The following PCDHGA3 variants were observed in gnomAD, a reference collection of about 807,000 sequenced individuals.
PCDHGA3 encodes the protein protocadherin gamma-A3.
Under a neutral mutation model 58.5 loss-of-function variants are expected in PCDHGA3, and 40 were observed. The ratio of observed to expected loss-of-function variants is 0.68; its 90% CI spans 0.53 to 0.89. The LOEUF (loss-of-function observed/expected upper bound fraction) is 0.89. PCDHGA3 is among the 40% of genes least tolerant of loss of function. The probability of loss-of-function intolerance (pLI) is 0.00; values close to 1 mark genes in which losing one functional copy is unlikely to be tolerated. For missense variants in PCDHGA3, 1,223 were observed against 1,195.9 expected (o/e 1.02, Z -0.33); for synonymous variants, 530 against 525.7 (o/e 1.01, Z -0.11).
intron 3 of PCDHGA3, among the ~76,000 whole-genome samples, chr5:141,510,639 T>TATCA (rs998925545): frequency 1.4e-4 from 22 of 152,300 alleles, no homozygotes; most frequent in African/African-American, 4.6e-4. Context: ...TGGTTACCAT[T>TATCA]ATCATCCCCA....
In PCDHGA3 at chr5:141,343,945, A is replaced by G. The variant is rs76671115; in HGVS notation, c.-89A>G. On this transcript the variant is annotated 5_prime_UTR_variant, in exon 1 of 4. Transcript: ENST00000253812. ...TGTTTGACCTGTGAATTAGGCCCGT[A>G]AAAGACTTCGTTTCTTGAGAAAATA... 1.8e-3 allele frequency: 2,263 copies of G among 1,276,612 alleles called. 34 individuals are homozygous for G. In the African/African-American group the frequency reaches 0.03, roughly 17 times the overall value. The allele number at this position is 1,276,612 out of a possible 1,614,324, so 79.1% of individuals were successfully genotyped here. A position where few individuals can be genotyped will look rare whatever the true frequency, so the allele number is the denominator to read the frequency against.
At chr5:141,402,120 T>C (rs17097267) in intron 1 of PCDHGA3, among the ~76,000 whole-genome samples, 16,890 of 152,168 alleles carry the variant, frequency 0.11, 1,101 homozygotes, top group African/African-American at 0.17. Context: ...TGTGAAAATT[T>C]CCAACTTTAA....
chr5:141,491,564 G>A lies in PCDHGA3; in HGVS notation c.2425-3243G>A, dbSNP rs2099721154. On this transcript the variant is annotated intron_variant, in intron 1 of 3. Coordinates refer to ENST00000253812, the MANE Select transcript of PCDHGA3 (RefSeq NM_018916.4). The surrounding 1 kb of genome is among the most constrained non-coding windows in gnomAD (Gnocchi z 6.9). Reference sequence around the variant, plus strand: ...ACAGACTCGCAGAGCCACTGCTACAGGACGTGCTTTTCACCGGCCTCGGAC... The same window carrying A: ...ACAGACTCGCAGAGCCACTGCTACAAGACGTGCTTTTCACCGGCCTCGGAC... The A allele has an allele frequency of 3.1e-6, 5 of 1,613,878 alleles. No individual in the cohort carries two copies. Among genetic ancestry groups the A allele is most frequent in the Non-Finnish European group, 8.5e-7 (1 of 1,180,042 alleles).
intron 1 of PCDHGA3, among the ~76,000 whole-genome samples, chr5:141,457,904 T>C (rs960822555): frequency 6.0e-5 from 9 of 150,288 alleles, no homozygotes; most frequent in African/African-American, 2.2e-4. Context: ...GTAGACAAGG[T>C]GTGAGGCCAG....
At chr5:141,401,838 T>C in intron 1 of PCDHGA3, among the ~76,000 whole-genome samples, 1 of 152,232 alleles carries the variant, frequency 6.6e-6, no homozygotes, top group East Asian at 1.9e-4. Context: ...TTTCTTATAA[T>C]ACCACTTACT....
chr5:141,357,136 G>T (rs779756612), intron 1 of PCDHGA3: 1 of 1,613,540 alleles, frequency 6.2e-7, no homozygotes, highest in Non-Finnish European at 8.5e-7. Flanking sequence ...TGTAGTGGTC[G>T]TCCAGGACCA....
Position 141,415,580 on chromosome 5 carries a change from A to C in PCDHGA3, c.2424+69123A>C, listed in dbSNP as rs773634634. The C allele has an allele frequency of 4.3e-6, 7 of 1,613,976 alleles. No individual in the cohort carries two copies. The Admixed American group carries it at 1.2e-4, about 27-fold the overall frequency. Reference sequence around the variant, plus strand: ...CCTTTGTCTTTGTTAGATGATTCGAAGTTTCCTATAGAGGATACCCCATTG... The same window carrying C: ...CCTTTGTCTTTGTTAGATGATTCGACGTTTCCTATAGAGGATACCCCATTG... On this transcript the variant is annotated intron_variant, in intron 1 of 3. Transcript: ENST00000253812.
At chr5:141,373,805 GAT>G in intron 1 of PCDHGA3, 2 of 337,732 alleles carry the variant, frequency 5.9e-6, no homozygotes, top group African/African-American at 2.1e-5. Context: ...TCCTCTGTGT[GAT>G]AGTTTCACAA....
rs545421792 is a variant in PCDHGA3 at position 141,414,806 on chromosome 5, C to T, written c.2424+68349C>T. ...GTGACAGCCAGCGACAGCGGGGATC[C>T]TCCACTCAGCAGCAACGTGTCGTTG... On this transcript the variant is annotated intron_variant, in intron 1 of 3. Coordinates refer to ENST00000253812, the MANE Select transcript of PCDHGA3 (RefSeq NM_018916.4). 2.2e-5 allele frequency: 36 copies of T among 1,614,244 alleles called. No individual in the cohort carries two copies. The South Asian group carries it at 3.1e-4, about 14-fold the overall frequency.
intron 1 of PCDHGA3, among the ~76,000 whole-genome samples, chr5:141,460,961 A>ATATG (rs1463306338): frequency 3.5e-5 from 5 of 144,556 alleles, no homozygotes; most frequent in African/African-American, 1.3e-4. Flanking sequence ...GTATATATAT[A>ATATG]TGTGTGTGTG....
chr5:141,435,737 T>C (rs944951200), intron 1 of PCDHGA3, among the ~76,000 whole-genome samples: 1 of 152,202 alleles, frequency 6.6e-6, no homozygotes, highest in Non-Finnish European at 1.5e-5. Context: ...TATTACTCTT[T>C]GAAAAGCATT....
Position 141,345,524 on chromosome 5 carries a change from G to C in PCDHGA3, c.1491G>C (p.Gln497His), listed in dbSNP as rs1181733698. ...ITYALTEDTL[Q>H]GAPLSSFVSI... ...ATGCATTGACCGAGGACACTCTCCA[G>C]GGGGCGCCCCTGTCCTCCTTCGTCT... Residue 497 changes from glutamine (Q) to histidine (H), a missense_variant, in exon 1 of 4, where the codon CAG becomes CAC. Physicochemically the swap from Gln to His is conservative, Grantham distance 24. Around this residue, in one of 3 missense-constraint regions of PCDHGA3, gnomAD observed 791 missense variants for 708.5 expected, o/e 1.12. Transcript: ENST00000253812. 6 of 1,614,082 alleles carry C rather than the reference G, an allele frequency of 3.7e-6. No individual in the cohort carries two copies. Among genetic ancestry groups the C allele is most frequent in the Non-Finnish European group, 5.1e-6 (6 of 1,179,986 alleles).
intron 1 of PCDHGA3, chr5:141,410,578 T>A (rs1432039651): frequency 6.2e-7 from 1 of 1,610,984 alleles, no homozygotes; most frequent in African/African-American, 1.3e-5. Context: ...TTCCACCTCA[T>A]GGTGGGGAGG....
Position 141,400,535 on chromosome 5 carries a change from T to C in PCDHGA3, c.2424+54078T>C, listed in dbSNP as rs753705723. 2.5e-6 allele frequency: 4 copies of C among 1,613,958 alleles called. No individual in the cohort carries two copies. In the South Asian group the frequency reaches 4.4e-5, roughly 18 times the overall value. ...TCCCATCCTGAGTTGGTGAGTTTCATTTATGTCTATTCTTTTTCATTACCC... is the reference window on the plus strand; with the variant it reads ...TCCCATCCTGAGTTGGTGAGTTTCACTTATGTCTATTCTTTTTCATTACCC... On this transcript the variant is annotated intron_variant, in intron 1 of 3. Transcript: ENST00000253812.
intron 1 of PCDHGA3, among the ~76,000 whole-genome samples, chr5:141,456,703 G>T (rs528071544): frequency 1.3e-5 from 2 of 152,062 alleles, no homozygotes; most frequent in Non-Finnish European, 2.9e-5. Context: ...GGTGGCTCGC[G>T]CCTGTAATCC....
intron 1 of PCDHGA3, chr5:141,375,405 A>G (rs1472795802): frequency 6.2e-7 from 1 of 1,613,932 alleles, no homozygotes; most frequent in South Asian, 1.1e-5. Context: ...ATCTCTCTAA[A>G]TGTGGCAGAC....
At chr5:141,351,050 A>G (rs1758630679) in intron 1 of PCDHGA3, 1 of 1,614,080 alleles carries the variant, frequency 6.2e-7, no homozygotes, top group East Asian at 2.2e-5. Context: ...GGTGATGGCC[A>G]CAGACCAGGA....
chr5:141,410,849 C>CTTTTTTTTTTTT lies in PCDHGA3; in HGVS notation c.2424+64403_2424+64414dup. The CTTTTTTTTTTTT allele has an allele frequency of 2.7e-3, 375 of 138,154 alleles. 24 individuals are homozygous for CTTTTTTTTTTTT. The highest frequency in any genetic ancestry group is 6.9e-3 in the African/African-American group (114 of 16,622). 8.6% of individuals were successfully genotyped at this position (138,154 alleles called of 1,614,324 possible). ...CAGACTGAAGATATTTTGTCTTTGTCTTTTTTTTTTTTTTTTTTTTTTGAG... is the reference window on the plus strand; with the variant it reads ...CAGACTGAAGATATTTTGTCTTTGTCTTTTTTTTTTTTTTTTTTTTTTTTTTTTTTTTTTGAG... On this transcript the variant is annotated intron_variant, in intron 1 of 3. Coordinates refer to ENST00000253812, the MANE Select transcript of PCDHGA3 (RefSeq NM_018916.4).
chr5:141,412,790 A>G lies in PCDHGA3; in HGVS notation c.2424+66333A>G, dbSNP rs557299291. ...ATTTACAATATTTTCACTCCACTTTATCACACCTCCCCTAAGAAACCTACA... is the reference window on the plus strand; with the variant it reads ...ATTTACAATATTTTCACTCCACTTTGTCACACCTCCCCTAAGAAACCTACA... On this transcript the variant is annotated intron_variant, in intron 1 of 3. Coordinates refer to ENST00000253812, the MANE Select transcript of PCDHGA3 (RefSeq NM_018916.4). Among the ~76,000 whole-genome samples the G allele has an allele frequency of 2.0e-5, 3 of 152,370 alleles. No individual in the cohort carries two copies. The South Asian group carries it at 6.2e-4, about 32-fold the overall frequency.
Sources: gnomAD v4.1 joint callset for allele counts (sites outside exome capture counted in the v4.1 genomes callset) on GRCh38, gnomAD v4.1.1 for gene constraint, gnomAD v4.1.1 regional missense constraint, Gnocchi (gnomAD v3.1) non-coding constraint, MANE v1.5 for transcripts, NCBI Gene and HGNC (gene_info 2026-07-23, HGNC 2026-07-21) for gene names.